REEP3: variants seen among roughly 807,000 people sequenced by gnomAD.
REEP3 encodes the protein receptor accessory protein 3.
Under a neutral mutation model 41.3 loss-of-function variants are expected in REEP3, and 20 were observed. That is an observed-to-expected ratio of 0.48 (90% confidence interval 0.34 to 0.70). The LOEUF is 0.70. REEP3 is among the 30% of genes least tolerant of loss of function. The pLI, the probability that REEP3 is intolerant of heterozygous loss-of-function variation, is 0.01. For missense variants in REEP3, 271 were observed against 308.8 expected (o/e 0.88, Z 0.92); for synonymous variants, 104 against 101.8 (o/e 1.02, Z -0.13).
At chr10:63,586,985 T>G (rs1956013648) in intron 2 of REEP3, among the ~76,000 whole-genome samples, 1 of 32,520 alleles carries the variant, frequency 3.1e-5, no homozygotes, top group South Asian at 7.3e-4. Flanking sequence ...TTTATGCATG[T>G]TTTTTTTTTT....
Position 63,556,622 on chromosome 10 carries a change from T to TGTTTG in REEP3, c.33-9716_33-9715insGTTTG, listed in dbSNP as rs1554804603. 2.4e-4 allele frequency among the ~76,000 whole-genome samples: 20 copies of TGTTTG among 82,136 alleles called. 1 individual carries two copies. Among genetic ancestry groups the TGTTTG allele is most frequent in the African/African-American group, 8.1e-4 (19 of 23,510 alleles). The allele number at this position is 82,136 out of a possible 152,430, so 53.9% of individuals were successfully genotyped here. ...TTGTTTTCTGTTTGCTTGTTTTTTT[T>TGTTTG]TTTGTTGTTTTGTTTTTTTTTTTTT... On this transcript the variant is annotated intron_variant, in intron 1 of 7. Transcript: ENST00000373758.
intron 1 of REEP3, among the ~76,000 whole-genome samples, chr10:63,551,037 T>A (rs1955624277): frequency 6.6e-6 from 1 of 152,006 alleles, no homozygotes; most frequent in Admixed American, 6.5e-5. Flanking sequence ...TCAACAACAC[T>A]CCAGTAGTAC....
chr10:63,548,550 T>C (rs1019331354), intron 1 of REEP3, among the ~76,000 whole-genome samples: 1 of 152,218 alleles, frequency 6.6e-6, no homozygotes, highest in Non-Finnish European at 1.5e-5. Context: ...GGAACTCCTA[T>C]ACCTCTGTTT....
chr10:63,582,442 AT>A (rs1402601503), intron 2 of REEP3, among the ~76,000 whole-genome samples: 1 of 152,228 alleles, frequency 6.6e-6, no homozygotes, highest in African/African-American at 2.4e-5. Context: ...GCAGTATATT[AT>A]TTTATTGTGG....
chr10:63,542,551 CTATATAAATTTTGTATCAA>C (rs1311121035), intron 1 of REEP3, among the ~76,000 whole-genome samples: 2 of 152,160 alleles, frequency 1.3e-5, no homozygotes, highest in East Asian at 3.8e-4. Context: ...AGTATATTAT[CTATATAAATTTTGTATCAA>C]CTATACAAAT....
chr10:63,578,165 T>C (rs1955913813), intron 2 of REEP3, among the ~76,000 whole-genome samples: 1 of 152,180 alleles, frequency 6.6e-6, no homozygotes, highest in African/African-American at 2.4e-5. Flanking sequence ...AATGGTGTGA[T>C]CTCAGCTCAG....
intron 1 of REEP3, among the ~76,000 whole-genome samples, chr10:63,523,450 T>C (rs894063017): frequency 2.6e-5 from 4 of 152,018 alleles, no homozygotes; most frequent in African/African-American, 9.7e-5. Flanking sequence ...CTGGGCAACA[T>C]AGCGAGACCT....
At chr10:63,589,955 C>T (rs539712650) in intron 2 of REEP3, among the ~76,000 whole-genome samples, 7 of 151,862 alleles carry the variant, frequency 4.6e-5, no homozygotes, top group Admixed American at 1.3e-4. Flanking sequence ...CTACCATGCC[C>T]GGCTAATTTT....
At chr10:63,566,226 CG>C in intron 1 of REEP3, 111 bp from the exon 2 acceptor site, 1 of 681,216 alleles carries the variant, frequency 1.5e-6, no homozygotes, top group Non-Finnish European at 2.6e-6. Context: ...TTTTTCTGAG[CG>C]GATTTAATTT....
chr10:63,563,092 C>T (rs1303025270), intron 1 of REEP3: 2 of 428,302 alleles, frequency 4.7e-6, no homozygotes, highest in South Asian at 3.3e-5. Flanking sequence ...CCTCAGAAGA[C>T]ACCAAATCTG....
chr10:63,619,975 T>C (rs1956341525), intron 7 of REEP3, among the ~76,000 whole-genome samples, 175 bp downstream of exon 7: 1 of 150,378 alleles, frequency 6.6e-6, no homozygotes, highest in African/African-American at 2.5e-5. Context: ...TTTTGCTTTG[T>C]CAACCAAATT....
chr10:63,607,257 T>G (rs1956237127), intron 5 of REEP3, among the ~76,000 whole-genome samples: 1 of 152,212 alleles, frequency 6.6e-6, no homozygotes. Context: ...TGTTAAAGTG[T>G]TGGAGGTTCT....
intron 5 of REEP3, among the ~76,000 whole-genome samples, chr10:63,603,408 A>G: frequency 6.6e-6 from 1 of 152,042 alleles, no homozygotes; most frequent in East Asian, 1.9e-4. Context: ...AAATGCCACG[A>G]AAACAAAAAT....
intron 2 of REEP3, among the ~76,000 whole-genome samples, chr10:63,577,738 G>A (rs530817079): frequency 2.6e-5 from 4 of 152,102 alleles, no homozygotes; most frequent in African/African-American, 9.6e-5. Flanking sequence ...CCCAGCCTCT[G>A]TAACCCTTTT....
At chr10:63,546,966 G>A (rs1011063082) in intron 1 of REEP3, among the ~76,000 whole-genome samples, 1 of 151,436 alleles carries the variant, frequency 6.6e-6, no homozygotes, top group Non-Finnish European at 1.5e-5. Context: ...CTTTCACCCA[G>A]GCTGGAGTGC....
intron 5 of REEP3, among the ~76,000 whole-genome samples, chr10:63,606,820 A>G (rs1264459472): frequency 6.6e-6 from 1 of 152,230 alleles, no homozygotes; most frequent in East Asian, 1.9e-4. Flanking sequence ...AATATTAAAG[A>G]CAATATTTTA....
At chr10:63,523,020 CAAAAAAAA>C (rs35537600) in intron 1 of REEP3, among the ~76,000 whole-genome samples, 1 of 117,958 alleles carries the variant, frequency 8.5e-6, no homozygotes, top group African/African-American at 3.4e-5. Context: ...CTGTACTTTA[CAAAAAAAA>C]AAAAAAAAGC....
intron 1 of REEP3, 198 bp downstream of exon 1, chr10:63,521,775 G>C: frequency 2.9e-6 from 1 of 343,706 alleles, no homozygotes; most frequent in Non-Finnish European, 5.2e-6. Context: ...TGCGACGGCC[G>C]AGGGCCTAGC....
chr10:63,577,876 C>G (rs1955911605), intron 2 of REEP3, among the ~76,000 whole-genome samples: 2 of 152,120 alleles, frequency 1.3e-5, no homozygotes, highest in South Asian at 4.1e-4. Flanking sequence ...TACTACTCAT[C>G]CATTTCCTTC....
Sources: allele counts gnomAD v4.1 joint callset (sites outside exome capture counted in the v4.1 genomes callset), GRCh38; gene constraint gnomAD v4.1.1; transcripts MANE v1.5; gene names NCBI Gene and HGNC (gene_info 2026-07-23, HGNC 2026-07-21).